SEC31A: variants seen among roughly 807,000 people sequenced by gnomAD.
The protein encoded by SEC31A is SEC31 homolog A, COPII component.
SEC31A carries 70 observed loss-of-function variants against 151.0 expected under a neutral mutation model. The observed-to-expected ratio is 0.46, with a 90% confidence interval of 0.38 to 0.57. The LOEUF (loss-of-function observed/expected upper bound fraction) is 0.57, where lower values mean the gene tolerates loss of function less well. SEC31A is among the 20% of genes least tolerant of loss of function. The pLI is 0.00. For missense variants in SEC31A, 1,330 were observed against 1,471.2 expected, an observed-to-expected ratio of 0.90 and a Z score of 1.57; for synonymous variants, 475 against 505.9, an observed-to-expected ratio of 0.94 and a Z score of 0.82.
intron 20 of SEC31A, among the ~76,000 whole-genome samples, chr4:82,846,616 CTTAATGATGAATA>C (rs1305227769): frequency 6.6e-6 from 1 of 152,060 alleles, no homozygotes; most frequent in Admixed American, 6.6e-5. Context: ...ACTACTTCCA[CTTAATGATGAATA>C]TTAATGATGA....
intron 15 of SEC31A, 134 bp from the exon 16 acceptor site, chr4:82,857,264 G>C: frequency 1.4e-6 from 1 of 719,646 alleles, no homozygotes; most frequent in Non-Finnish European, 2.3e-6. Context: ...ATTACTAGTG[G>C]ATTAATTTCT....
intron 3 of SEC31A, among the ~76,000 whole-genome samples, chr4:82,897,325 T>C (rs982167606): frequency 6.6e-6 from 1 of 152,088 alleles, no homozygotes; most frequent in Non-Finnish European, 1.5e-5. Context: ...AATAATGATA[T>C]AACAATAATT....
Position 82,864,583 on chromosome 4 carries a change from C to A in SEC31A, c.1213G>T (p.Val405Phe). 6.2e-7 allele frequency: 1 copy of A among 1,613,834 alleles called. No homozygotes were observed. Among genetic ancestry groups the A allele is most frequent in the Non-Finnish European group, 8.5e-7 (1 of 1,179,960 alleles). ...GASFSFGGKL[V>F]TFENVRMPSH... The stretch of plus-strand genomic sequence containing the variant: ...GGCATTCTGACATTCTCAAACGTAA[C>A]CAGTTTGCCTCCAAACTATAAAAGA... Residue 405 changes from valine (V) to phenylalanine (F), a missense_variant, in exon 11 of 27, where the codon GTT (valine) becomes TTT (phenylalanine). Val to Phe is a conservative substitution (Grantham distance 50). Coordinates refer to ENST00000395310, the MANE Select transcript of SEC31A (RefSeq NM_001077207.4).
At chr4:82,856,613 T>C (rs1198525920) in intron 16 of SEC31A, among the ~76,000 whole-genome samples, 1 of 151,746 alleles carries the variant, frequency 6.6e-6, no homozygotes, top group African/African-American at 2.4e-5. Flanking sequence ...TATCTAAGCA[T>C]GGTGGCGGAC....
intron 22 of SEC31A, among the ~76,000 whole-genome samples, chr4:82,829,746 A>T (rs900358542): frequency 4.7e-5 from 7 of 149,036 alleles, no homozygotes; most frequent in African/African-American, 4.9e-5. Context: ...AATTTCCTCT[A>T]AAAAAAAACA....
intron 16 of SEC31A, 150 bp from the exon 17 acceptor site, chr4:82,855,179 A>T (rs1028138097): frequency 6.0e-6 from 4 of 665,220 alleles, no homozygotes; most frequent in African/African-American, 5.6e-5. Context: ...TAATGGTATT[A>T]TTGTTCCTCA....
At chr4:82,848,766 CA>C (rs748828860) in intron 20 of SEC31A, 37 bp downstream of exon 20, 1 of 1,550,046 alleles carries the variant, frequency 6.5e-7, no homozygotes, top group Non-Finnish European at 8.7e-7. Context: ...AAGAGAAATA[CA>C]AAAGTGTTCC....
intron 16 of SEC31A, among the ~76,000 whole-genome samples, chr4:82,855,781 G>A (rs1400442168): frequency 1.3e-5 from 2 of 152,152 alleles, no homozygotes; most frequent in African/African-American, 4.8e-5. Context: ...ACACACTGGG[G>A]CCTATTGGAG....
In SEC31A at chr4:82,857,033, T is replaced by C; in HGVS notation, c.1800A>G (p.Ile600Met). ...LHDNRMADAI[I>M]LAIAGGQELL... ...GTTCTTGTCCACCTGCTATGGCCAA[T>C]ATAATGGCATCGGCCATGCGGTTAT... Residue 600 changes from isoleucine (I) to methionine (M), a missense_variant, in exon 16 of 27, where the codon ATA (isoleucine) becomes ATG (methionine). Physicochemically the swap from Ile to Met is conservative, Grantham distance 10 (BLOSUM62 1). Transcript: ENST00000395310. 12 of 1,614,078 alleles carry C rather than the reference T, an allele frequency of 7.4e-6. No homozygotes were observed. The highest frequency in any genetic ancestry group is 1.0e-5 in the Non-Finnish European group (12 of 1,180,000).
intron 1 of SEC31A, among the ~76,000 whole-genome samples, chr4:82,883,456 C>A (rs1739844685): frequency 6.6e-6 from 1 of 152,048 alleles, no homozygotes; most frequent in South Asian, 2.1e-4. Flanking sequence ...CTTTTCATAC[C>A]ACCAACAGTA....
Position 82,874,596 on chromosome 4 carries a change from C to T in SEC31A, c.639+15G>A. ...GAAATACAACATGTTCATCACAAGT[C>T]AATCACATACTTACTCTGTTACTAT... On this transcript the variant is annotated intron_variant, in intron 6 of 26. Transcript: ENST00000395310. 1 of 1,585,196 alleles carries T rather than the reference C, an allele frequency of 6.3e-7. No homozygotes were observed. Among genetic ancestry groups the T allele is most frequent in the Non-Finnish European group, 8.5e-7 (1 of 1,170,492 alleles).
At chr4:82,878,029 C>T (rs2125788274) in intron 4 of SEC31A, 1 of 152,242 alleles carries the variant, frequency 6.6e-6, no homozygotes, top group East Asian at 1.9e-4. Flanking sequence ...GAGTATTAAT[C>T]TCTGTCATAA....
At position 82,864,428 on chromosome 4, in the gene SEC31A, A is replaced by C. The variant is rs3797036; in HGVS notation, c.1368T>G (p.Asn456Lys). 1,233 of 1,614,068 alleles carry C rather than the reference A, an allele frequency of 7.6e-4. 14 individuals carry two copies. In the East Asian group the frequency reaches 0.016, roughly 21 times the overall value. Reference protein sequence around the residue: ...QQAVQSQGFINYCQKKIDASQ... With the variant: ...QQAVQSQGFIKYCQKKIDASQ... The stretch of plus-strand genomic sequence containing the variant: ...AAGCATCAATTTTTTTTTGGCAATA[A>C]TTGATAAATCCTTGTGACTGCACAG... The change falls in exon 11 of 27, where the codon AAT (asparagine) becomes AAG (lysine). Residue 456 changes from asparagine to lysine, a missense_variant. Physicochemically the swap from Asn to Lys is moderately conservative, Grantham distance 94. Transcript: ENST00000395310.
intron 5 of SEC31A, 54 bp downstream of exon 5, chr4:82,875,673 G>C (rs1737753445): frequency 9.2e-6 from 9 of 975,958 alleles, no homozygotes; most frequent in South Asian, 1.4e-5. Context: ...GTAGGTTTAG[G>C]AGAACTACTT....
chr4:82,891,152 T>TCGC lies in SEC31A; in HGVS notation c.-70_-69insGCG, dbSNP rs896222212. On this transcript the variant is annotated 5_prime_UTR_variant, in exon 1 of 27. Coordinates refer to ENST00000395310, the MANE Select transcript of SEC31A (RefSeq NM_001077207.4). ...AGCGCTCGTCGGACTCTCCCAGCAT[T>TCGC]CGCCGCCGCCCCTCCTCCCCGGCCA... 2.0e-6 allele frequency: 3 copies of TCGC among 1,535,488 alleles called. No individual in the cohort carries two copies. The African/African-American group carries it at 4.1e-5, about 21-fold the overall frequency.
chr4:82,821,676 G>A (rs1343872970), intron 25 of SEC31A, among the ~76,000 whole-genome samples: 1 of 151,718 alleles, frequency 6.6e-6, no homozygotes, highest in African/African-American at 2.4e-5. Flanking sequence ...GTGCATGAAA[G>A]AGTACTGATT....
chr4:82,869,139 A>G (rs1044662686), intron 8 of SEC31A, among the ~76,000 whole-genome samples: 24 of 151,794 alleles, frequency 1.6e-4, no homozygotes, highest in African/African-American at 5.8e-4. Context: ...TTATTTTTTG[A>G]GATGGAATCT....
chr4:82,876,773 C>T (rs1253595064), intron 4 of SEC31A, among the ~76,000 whole-genome samples: 2 of 152,208 alleles, frequency 1.3e-5, no homozygotes, highest in Non-Finnish European at 2.9e-5. Context: ...TACTGACCTT[C>T]ATCCACTACT....
chr4:82,874,667 C>T lies in SEC31A; in HGVS notation c.583G>A (p.Val195Ile). The T allele has an allele frequency of 6.2e-7, 1 of 1,613,446 alleles. No individual in the cohort carries two copies. The highest frequency in any genetic ancestry group is 8.5e-7 in the Non-Finnish European group (1 of 1,179,904). The change falls in exon 6 of 27, where the codon GTA (valine) becomes ATA (isoleucine). Residue 195 changes from valine to isoleucine, a missense_variant. Transcript: ENST00000395310. Reference protein sequence around the residue: ...ASASPSGRATVWDLRKNEPII... With the variant: ...ASASPSGRATIWDLRKNEPII... ...GGCTCATTTTTTCTAAGATCCCATA[C>T]AGTGGCCCGGCCACTGGGACTGGCT...
Sources: gnomAD v4.1 joint callset for allele counts (sites outside exome capture counted in the v4.1 genomes callset) on GRCh38, gnomAD v4.1.1 for gene constraint, MANE v1.5 for transcripts, NCBI Gene and HGNC (gene_info 2026-07-23, HGNC 2026-07-21) for gene names.